Variants in PPIG observed in about 807,000 individuals in gnomAD.
PPIG encodes the protein peptidylprolyl isomerase G.
Under a neutral mutation model 87.9 loss-of-function variants are expected in PPIG, and 26 were observed. The observed-to-expected ratio is 0.30, with a 90% confidence interval of 0.22 to 0.41. PPIG has a LOEUF of 0.41. Among genes scored for constraint, PPIG ranks in the 10% least tolerant of loss-of-function variants. The pLI is 1.00. For missense variants in PPIG, 722 were observed against 879.4 expected (o/e 0.82, Z 2.26); for synonymous variants, 308 against 276.5 (o/e 1.11, Z -1.13).
chr2:169,609,382 T>A (rs767613422), intron 7 of PPIG, among the ~76,000 whole-genome samples: 4 of 152,022 alleles, frequency 2.6e-5, no homozygotes, highest in Non-Finnish European at 5.9e-5. Flanking sequence ...GCTAATTTTT[T>A]AATTTTTTTG....
intron 1 of PPIG, among the ~76,000 whole-genome samples, chr2:169,589,199 T>C (rs1684792091): frequency 6.6e-6 from 1 of 152,162 alleles, no homozygotes; most frequent in African/African-American, 2.4e-5. Flanking sequence ...ATTTCAGAAG[T>C]GTCTATACTC....
chr2:169,588,950 C>G lies in PPIG; in HGVS notation c.-70+4460C>G, dbSNP rs184127552. On this transcript the variant is annotated intron_variant, in intron 1 of 13. Transcript: ENST00000260970. ...CTTCAGCCTGGGCACAAGAACGAAACTCCCTCTCAAAAAAAAAAAAAAAAA... is the reference window on the plus strand; with the variant it reads ...CTTCAGCCTGGGCACAAGAACGAAAGTCCCTCTCAAAAAAAAAAAAAAAAA... Among the ~76,000 whole-genome samples the G allele has an allele frequency of 2.4e-3, 181 of 76,508 alleles. 1 individual carries two copies. Among genetic ancestry groups the G allele is most frequent in the Admixed American group, 6.0e-3 (29 of 4,842 alleles). 50.2% of individuals were successfully genotyped at this position (76,508 alleles called of 152,430 possible).
chr2:169,605,227 G>A (rs1266184506), intron 4 of PPIG, among the ~76,000 whole-genome samples: 1 of 151,914 alleles, frequency 6.6e-6, no homozygotes, highest in African/African-American at 2.4e-5. Context: ...CCAGCTACTC[G>A]GGAGGCTCAG....
chr2:169,601,481 T>A (rs527965558), intron 1 of PPIG, among the ~76,000 whole-genome samples: 1 of 152,300 alleles, frequency 6.6e-6, no homozygotes, highest in East Asian at 1.9e-4. Flanking sequence ...AATAAGAGGA[T>A]GTAAAGTGTT....
intron 5 of PPIG, among the ~76,000 whole-genome samples, chr2:169,606,568 A>G (rs1445402397): frequency 1.4e-5 from 2 of 139,314 alleles, no homozygotes; most frequent in African/African-American, 2.7e-5. Flanking sequence ...CTCCGGCCTG[A>G]ATGACAGAGC....
At chr2:169,612,489 T>TTCTCC (rs1212952941) in intron 7 of PPIG, among the ~76,000 whole-genome samples, 1 of 151,160 alleles carries the variant, frequency 6.6e-6, no homozygotes, top group Admixed American at 6.6e-5. Flanking sequence ...GTTCACGCCA[T>TTCTCC]TCTCCTGCCT....
At chr2:169,592,303 C>CT (rs777690234) in intron 1 of PPIG, among the ~76,000 whole-genome samples, 10,051 of 93,550 alleles carry the variant, frequency 0.11, 1,913 homozygotes, top group African/African-American at 0.31. Context: ...TGTCTTTTTT[C>CT]TTTTTTTTTT....
intron 1 of PPIG, 174 bp downstream of exon 1, chr2:169,584,664 C>T (rs1684647988): frequency 1.1e-5 from 4 of 377,102 alleles, no homozygotes; most frequent in African/African-American, 2.2e-5. Flanking sequence ...TCCCTGAGGA[C>T]CGCAGCAGTG....
At chr2:169,616,284 T>A (rs1478636110) in intron 9 of PPIG, among the ~76,000 whole-genome samples, 1 of 152,234 alleles carries the variant, frequency 6.6e-6, no homozygotes, top group Non-Finnish European at 1.5e-5. Context: ...GTCTTTGTAT[T>A]TTGAATAGTG....
intron 7 of PPIG, among the ~76,000 whole-genome samples, chr2:169,612,082 C>G (rs1001325474): frequency 2.6e-5 from 4 of 151,912 alleles, no homozygotes; most frequent in African/African-American, 9.7e-5. Context: ...CTCAAGTGAT[C>G]CTACCGCCTC....
At chr2:169,593,172 T>A (rs998551757) in intron 1 of PPIG, among the ~76,000 whole-genome samples, 1 of 151,772 alleles carries the variant, frequency 6.6e-6, no homozygotes, top group Non-Finnish European at 1.5e-5. Flanking sequence ...ATAATAGCAG[T>A]ACATTTATTA....
rs1574447420 is a variant in PPIG at position 169,606,979 on chromosome 2, G to T, written c.245-125G>T. 2.0e-5 allele frequency: 13 copies of T among 665,118 alleles called. No homozygotes were observed. In the East Asian group the frequency reaches 3.4e-4, roughly 17 times the overall value. The allele number at this position is 665,118 out of a possible 1,614,324, so 41.2% of individuals were successfully genotyped here. On this transcript the variant is annotated intron_variant, in intron 5 of 13. Transcript: ENST00000260970. ...TTGACATTAATATCTTTTATGATTT[G>T]CTGCAATCTTCGAATATTGTTAATT...
chr2:169,610,855 A>T (rs1278111971), intron 7 of PPIG, among the ~76,000 whole-genome samples: 5 of 152,184 alleles, frequency 3.3e-5, no homozygotes, highest in Non-Finnish European at 7.3e-5. Context: ...GTTTGTGTAT[A>T]CCATAGTTTA....
At chr2:169,606,375 C>G (rs917614645) in intron 5 of PPIG, among the ~76,000 whole-genome samples, 1 of 151,900 alleles carries the variant, frequency 6.6e-6, no homozygotes, top group African/African-American at 2.4e-5. Context: ...GGGCGGATCA[C>G]GAGGTCAGTA....
intron 7 of PPIG, among the ~76,000 whole-genome samples, chr2:169,610,212 T>G (rs945035871): frequency 2.0e-5 from 3 of 152,234 alleles, no homozygotes; most frequent in African/African-American, 7.2e-5. Context: ...GGCGCCTGAT[T>G]ATCTTCAACA....
At chr2:169,605,920 G>A (rs1685313917) in intron 4 of PPIG, 119 bp from the exon 5 acceptor site, 2 of 675,976 alleles carry the variant, frequency 3.0e-6, no homozygotes, top group Non-Finnish European at 5.1e-6. Context: ...ATTCCTGAAA[G>A]GAATGAAAAT....
chr2:169,609,081 CAAAA>C (rs577846491), intron 7 of PPIG, among the ~76,000 whole-genome samples: 4 of 105,862 alleles, frequency 3.8e-5, no homozygotes, highest in African/African-American at 4.0e-5. Context: ...AAGACTGTCT[CAAAA>C]AAAAAAAAAA....
intron 1 of PPIG, among the ~76,000 whole-genome samples, chr2:169,596,419 G>GGA (rs1685017324): frequency 1.3e-5 from 2 of 151,998 alleles, no homozygotes; most frequent in Non-Finnish European, 2.9e-5. Context: ...ATTGTGTTTT[G>GGA]AGTGGCCTAA....
At chr2:169,593,401 G>C (rs1273084245) in intron 1 of PPIG, among the ~76,000 whole-genome samples, 2 of 151,456 alleles carry the variant, frequency 1.3e-5, no homozygotes, top group Non-Finnish European at 2.9e-5. Flanking sequence ...TCACCACATT[G>C]GTCAGGCTGG....
Sources: allele counts gnomAD v4.1 joint callset (sites outside exome capture counted in the v4.1 genomes callset), GRCh38; gene constraint gnomAD v4.1.1; transcripts MANE v1.5; gene names NCBI Gene and HGNC (gene_info 2026-07-23, HGNC 2026-07-21).